FMNL2: variants seen among roughly 807,000 people sequenced by gnomAD.
The protein encoded by FMNL2 is formin-like protein 2.
FMNL2 carries 51 observed loss-of-function variants against 130.2 expected under a neutral mutation model. The ratio of observed to expected loss-of-function variants is 0.39; its 90% CI spans 0.31 to 0.49. FMNL2 has a LOEUF of 0.49. Among genes scored for constraint, FMNL2 ranks in the 20% least tolerant of loss-of-function variants. The pLI is 0.85. For missense variants in FMNL2, 977 were observed against 1,316.2 expected, an observed-to-expected ratio of 0.74 and a Z score of 3.99; for synonymous variants, 465 against 467.1, an observed-to-expected ratio of 1.00 and a Z score of 0.06.
At chr2:152,396,622 A>T (rs1216893240) in intron 1 of FMNL2, among the ~76,000 whole-genome samples, 1 of 152,156 alleles carries the variant, frequency 6.6e-6, no homozygotes, top group Non-Finnish European at 1.5e-5. Context: ...CACATTTCAG[A>T]CATTGTCTTA....
In FMNL2 at chr2:152,456,796, T is replaced by C. The variant is rs370382205; in HGVS notation, c.118-65147T>C. 2.0e-5 allele frequency among the ~76,000 whole-genome samples: 3 copies of C among 151,812 alleles called. No individual in the cohort carries two copies. The South Asian group carries it at 6.2e-4, about 32-fold the overall frequency. The stretch of plus-strand genomic sequence containing the variant: ...GTCTCTACTAAAAAAAATACAAAAA[T>C]TAACCAGGCGTGGCACCTGTAGTCC... On this transcript the variant is annotated intron_variant, in intron 1 of 25. Coordinates refer to ENST00000288670, the MANE Select transcript of FMNL2 (RefSeq NM_052905.4).
chr2:152,629,795 A>G, intron 19 of FMNL2, 30 bp from the exon 20 acceptor site: 1 of 1,609,648 alleles, frequency 6.2e-7, no homozygotes. Flanking sequence ...TGCTGTACTG[A>G]TGGGCTTCTG....
chr2:152,551,405 A>G (rs996915164), intron 4 of FMNL2, among the ~76,000 whole-genome samples: 2 of 152,234 alleles, frequency 1.3e-5, no homozygotes, highest in African/African-American at 2.4e-5. Context: ...AGGAACTCTG[A>G]AAGCTTTGGC....
Position 152,607,363 on chromosome 2 carries a change from G to C in FMNL2, c.901G>C (p.Glu301Gln). 6.2e-7 allele frequency: 1 copy of C among 1,613,596 alleles called. No homozygotes were observed. The highest frequency in any genetic ancestry group is 8.5e-7 in the Non-Finnish European group (1 of 1,179,716). Residue 301 changes from glutamate to glutamine, a missense_variant, in exon 10 of 26, where the codon GAG becomes CAG. Transcript: ENST00000288670. Reference protein sequence around the residue: ...KEVCGEKQRFEKLMEHFRNED... With the variant: ...KEVCGEKQRFQKLMEHFRNED... Reference sequence around the variant, plus strand: ...GGTTTGTGGAGAAAAACAGCGCTTTGAGAAGTTGATGGAACATTTCAGGAA... The same window carrying C: ...GGTTTGTGGAGAAAAACAGCGCTTTCAGAAGTTGATGGAACATTTCAGGAA...
intron 24 of FMNL2, 119 bp from the exon 25 acceptor site, chr2:152,640,670 ATG>A (rs754574287): frequency 4.6e-5 from 55 of 1,199,762 alleles, no homozygotes; most frequent in Non-Finnish European, 5.2e-5. Flanking sequence ...AGAATGTGGG[ATG>A]TGTGTGTGTT....
chr2:152,478,426 C>T (rs868315729), intron 1 of FMNL2, among the ~76,000 whole-genome samples: 2 of 151,482 alleles, frequency 1.3e-5, no homozygotes, highest in South Asian at 2.1e-4. Context: ...TTAGTAGAGA[C>T]GGGGTTTTAC....
At chr2:152,568,461 G>T (rs1695985860) in intron 6 of FMNL2, among the ~76,000 whole-genome samples, 1 of 152,048 alleles carries the variant, frequency 6.6e-6, no homozygotes, top group Non-Finnish European at 1.5e-5. Context: ...AAAGTGCTGG[G>T]ATTACAGGCG....
At chr2:152,550,552 G>A (rs1694878224) in intron 4 of FMNL2, among the ~76,000 whole-genome samples, 1 of 152,172 alleles carries the variant, frequency 6.6e-6, no homozygotes, top group Non-Finnish European at 1.5e-5. Context: ...AGGTGCTTTG[G>A]CTCAAGTTGC....
chr2:152,578,651 G>A (rs776712260), intron 7 of FMNL2: 17 of 191,040 alleles, frequency 8.9e-5, no homozygotes, highest in Non-Finnish European at 1.5e-4. Flanking sequence ...TGTACCCCCC[G>A]CCTCAGCCTC....
At chr2:152,607,006 GTTT>G (rs58237890) in intron 9 of FMNL2, among the ~76,000 whole-genome samples, 92 of 84,876 alleles carry the variant, frequency 1.1e-3, no homozygotes, top group African/African-American at 3.8e-3. Flanking sequence ...TTTTTTTTTT[GTTT>G]TTTTTTTTTT....
At chr2:152,478,387 G>A (rs1041897812) in intron 1 of FMNL2, among the ~76,000 whole-genome samples, 2 of 151,392 alleles carry the variant, frequency 1.3e-5, no homozygotes, top group Admixed American at 6.6e-5. Flanking sequence ...ACAGGCACGC[G>A]CCAACGTGCC....
intron 1 of FMNL2, among the ~76,000 whole-genome samples, chr2:152,364,225 C>A (rs1168068940): frequency 5.7e-5 from 8 of 141,320 alleles, no homozygotes; most frequent in Non-Finnish European, 1.0e-4. Context: ...ATTTTCACAT[C>A]CTTTAGGAGT....
At chr2:152,566,316 A>G (rs1269266239) in intron 6 of FMNL2, among the ~76,000 whole-genome samples, 1 of 152,214 alleles carries the variant, frequency 6.6e-6, no homozygotes, top group South Asian at 2.1e-4. Flanking sequence ...TATTGGTGAG[A>G]AAGCCTTTTC....
chr2:152,373,472 G>C (rs1683998500), intron 1 of FMNL2, among the ~76,000 whole-genome samples: 1 of 152,086 alleles, frequency 6.6e-6, no homozygotes, highest in Non-Finnish European at 1.5e-5. Context: ...TCATCCCTTG[G>C]GTTCTGGGGG....
chr2:152,590,529 G>A (rs1697371319), intron 9 of FMNL2, among the ~76,000 whole-genome samples: 1 of 151,840 alleles, frequency 6.6e-6, no homozygotes, highest in Non-Finnish European at 1.5e-5. Flanking sequence ...CAGGAGAATC[G>A]CTTGAACCTG....
In FMNL2 at chr2:152,432,313, C is replaced by G. The variant is rs183831285; in HGVS notation, c.118-89630C>G. On this transcript the variant is annotated intron_variant, in intron 1 of 25. Coordinates refer to ENST00000288670, the MANE Select transcript of FMNL2 (RefSeq NM_052905.4). ...GATTGAGCATGTGAAAGCTTGACAT[C>G]ATGATTCAATCATTCTCTGATTTTG... is the stretch of plus-strand genomic sequence containing the variant. 2.0e-5 allele frequency among the ~76,000 whole-genome samples: 3 copies of G among 152,152 alleles called. No homozygotes were observed. In the East Asian group the frequency reaches 5.8e-4, roughly 29 times the overall value.
At chr2:152,355,444 C>T (rs1222996189) in intron 1 of FMNL2, among the ~76,000 whole-genome samples, 1 of 152,172 alleles carries the variant, frequency 6.6e-6, no homozygotes, top group African/African-American at 2.4e-5. Context: ...CTTTCCTTCC[C>T]AAACCTTGTC....
chr2:152,491,702 G>A (rs1458116603), intron 1 of FMNL2, among the ~76,000 whole-genome samples: 3 of 152,172 alleles, frequency 2.0e-5, no homozygotes, highest in Non-Finnish European at 4.4e-5. Flanking sequence ...TTTAATCCCA[G>A]CATTTTGGGA....
At chr2:152,557,986 C>T (rs1695319875) in intron 4 of FMNL2, among the ~76,000 whole-genome samples, 1 of 152,086 alleles carries the variant, frequency 6.6e-6, no homozygotes, top group South Asian at 2.1e-4. Context: ...ACATCCATCT[C>T]CCTAAAGATT....
Sources: gnomAD v4.1 joint callset for allele counts (sites outside exome capture counted in the v4.1 genomes callset) on GRCh38, gnomAD v4.1.1 for gene constraint, MANE v1.5 for transcripts, NCBI Gene and HGNC (gene_info 2026-07-23, HGNC 2026-07-21) for gene names.